Variants in HIKESHI observed in about 807,000 individuals in gnomAD.
The protein encoded by HIKESHI is protein Hikeshi.
Under a neutral mutation model 25.7 loss-of-function variants are expected in HIKESHI, and 13 were observed. The ratio of observed to expected loss-of-function variants is 0.51; its 90% CI spans 0.33 to 0.80. HIKESHI has a LOEUF of 0.80. HIKESHI is among the 30% of genes least tolerant of loss of function. The pLI is 0.02. For synonymous variants in HIKESHI, 76 were observed against 78.7 expected (o/e 0.97, Z 0.18); for missense variants, 174 against 229.5 (o/e 0.76, Z 1.56).
At chr11:86,308,866 A>G (rs1252095431) in intron 2 of HIKESHI, among the ~76,000 whole-genome samples, 2 of 152,022 alleles carry the variant, frequency 1.3e-5, no homozygotes, top group African/African-American at 4.8e-5. Flanking sequence ...GATGGTTTCC[A>G]GCTTCATCCA....
At chr11:86,331,858 A>G (rs1269558963) in intron 2 of HIKESHI, among the ~76,000 whole-genome samples, 3 of 152,194 alleles carry the variant, frequency 2.0e-5, no homozygotes, top group East Asian at 1.9e-4. Flanking sequence ...TTGTATATTC[A>G]ATACTAGGAA....
intron 2 of HIKESHI, among the ~76,000 whole-genome samples, chr11:86,335,222 A>T (rs925547796): frequency 1.3e-5 from 2 of 152,206 alleles, no homozygotes; most frequent in Non-Finnish European, 2.9e-5. Context: ...TTAAAAAAAA[A>T]GAGGTCTGCC....
Position 86,328,570 on chromosome 11 carries a change from AG to A in HIKESHI, c.269-8808del, listed in dbSNP as rs1215106163. Among the ~76,000 whole-genome samples the A allele has an allele frequency of 2.0e-5, 3 of 151,700 alleles. No individual in the cohort carries two copies. In the East Asian group the frequency reaches 5.8e-4, roughly 29 times the overall value. ...AGCAATTCTCTGCCTCAGCCTCCTGAGTAGCTGGGATTACAGGTAACTGCCA... is the reference window on the plus strand; with the variant it reads ...AGCAATTCTCTGCCTCAGCCTCCTGATAGCTGGGATTACAGGTAACTGCCA... On this transcript the variant is annotated intron_variant, in intron 2 of 4. Transcript: ENST00000278483.
Position 86,345,618 on chromosome 11 carries a change from C to G in HIKESHI, c.574C>G (p.Pro192Ala). Reference protein sequence around the residue: ...ENFQRRLAQNPLFWKT With the variant: ...ENFQRRLAQNALFWKT ...CTTTCAAAGACGACTAGCACAGAAC[C>G]CTCTCTTTTGGAAAACATAATTTGA... Residue 192 changes from proline to alanine, a missense_variant, in exon 5 of 5, where the codon CCT becomes GCT. Transcript: ENST00000278483. The G allele has an allele frequency of 6.4e-7, 1 of 1,553,196 alleles. No homozygotes were observed. The highest frequency in any genetic ancestry group is 1.2e-5 in the South Asian group (1 of 84,520).
chr11:86,336,016 T>G (rs1947548741), intron 2 of HIKESHI, among the ~76,000 whole-genome samples: 1 of 152,094 alleles, frequency 6.6e-6, no homozygotes, highest in Non-Finnish European at 1.5e-5. Context: ...ACCAGAAGAA[T>G]GATACATCAT....
intron 2 of HIKESHI, among the ~76,000 whole-genome samples, chr11:86,318,158 G>T (rs1947038632): frequency 6.6e-6 from 1 of 151,208 alleles, no homozygotes; most frequent in Non-Finnish European, 1.5e-5. Flanking sequence ...CAAAAAAATA[G>T]CCGGGCGTGG....
chr11:86,316,548 G>C (rs1047836394), intron 2 of HIKESHI, among the ~76,000 whole-genome samples: 7 of 151,694 alleles, frequency 4.6e-5, no homozygotes, highest in Non-Finnish European at 8.8e-5. Flanking sequence ...TTTTAAAAAG[G>C]GGGAAAGCAA....
chr11:86,319,022 T>C (rs1229576538), intron 2 of HIKESHI, among the ~76,000 whole-genome samples: 3 of 151,980 alleles, frequency 2.0e-5, no homozygotes, highest in African/African-American at 7.2e-5. Flanking sequence ...GCTCAAGCCA[T>C]CCTCCTGCCT....
intron 2 of HIKESHI, among the ~76,000 whole-genome samples, chr11:86,319,117 G>T (rs1204454654): frequency 6.6e-6 from 1 of 151,338 alleles, no homozygotes; most frequent in Non-Finnish European, 1.5e-5. Flanking sequence ...TTGCCATGTT[G>T]CCCAGGCTGG....
chr11:86,324,447 A>G (rs1426842139), intron 2 of HIKESHI: 1 of 152,262 alleles, frequency 6.6e-6, no homozygotes, highest in Non-Finnish European at 1.5e-5. Context: ...AGAAAAATAA[A>G]GCAACTTAAT....
chr11:86,326,317 TA>T (rs1162170928), intron 2 of HIKESHI, among the ~76,000 whole-genome samples: 5 of 151,862 alleles, frequency 3.3e-5, no homozygotes, highest in Non-Finnish European at 2.9e-5. Context: ...AATAAATAAA[TA>T]AAAAATAAAA....
At chr11:86,331,085 GATA>G (rs1005122992) in intron 2 of HIKESHI, among the ~76,000 whole-genome samples, 47 of 152,028 alleles carry the variant, frequency 3.1e-4, no homozygotes, top group African/African-American at 1.1e-3. Context: ...TCTTTTTAGG[GATA>G]ATGTACACAA....
chr11:86,342,294 T>C (rs1046503138), intron 3 of HIKESHI, among the ~76,000 whole-genome samples: 5 of 152,224 alleles, frequency 3.3e-5, no homozygotes, highest in Admixed American at 6.5e-5. Context: ...GTAAATACAT[T>C]GCATTTTTCT....
chr11:86,308,265 ATGTGTATTATATATAAAAT>A (rs1946727777), intron 2 of HIKESHI, among the ~76,000 whole-genome samples: 1 of 84,114 alleles, frequency 1.2e-5, no homozygotes, highest in African/African-American at 5.5e-5. Context: ...TACATATAAA[ATGTGTATTATATATAAAAT>A]ATATATTACA....
At chr11:86,305,109 C>T (rs1199470826) in intron 1 of HIKESHI, among the ~76,000 whole-genome samples, 1 of 152,220 alleles carries the variant, frequency 6.6e-6, no homozygotes, top group Non-Finnish European at 1.5e-5. Context: ...AAGTGATTAT[C>T]TGGTCTTAGC....
chr11:86,328,791 G>T (rs1210644543), intron 2 of HIKESHI, among the ~76,000 whole-genome samples: 1 of 151,868 alleles, frequency 6.6e-6, no homozygotes, highest in East Asian at 1.9e-4. Flanking sequence ...TGGCTAGGCT[G>T]GTCTTGAACT....
chr11:86,329,097 T>C (rs1441255578), intron 2 of HIKESHI, among the ~76,000 whole-genome samples: 1 of 151,830 alleles, frequency 6.6e-6, no homozygotes, highest in Admixed American at 6.6e-5. Context: ...CCAAGTAAAG[T>C]GATAAACAGA....
At chr11:86,334,213 C>G (rs1304332095) in intron 2 of HIKESHI, among the ~76,000 whole-genome samples, 1 of 150,480 alleles carries the variant, frequency 6.6e-6, no homozygotes, top group East Asian at 2.0e-4. Context: ...TTTCCTGATT[C>G]TTCTCAACAT....
At chr11:86,317,676 C>A (rs1344534013) in intron 2 of HIKESHI, among the ~76,000 whole-genome samples, 2 of 151,610 alleles carry the variant, frequency 1.3e-5, no homozygotes, top group Admixed American at 1.3e-4. Context: ...TGTGGTGGTG[C>A]GCGCCTGTTG....
Sources: allele counts gnomAD v4.1 joint callset (sites outside exome capture counted in the v4.1 genomes callset), GRCh38; gene constraint gnomAD v4.1.1; transcripts MANE v1.5; gene names NCBI Gene and HGNC (gene_info 2026-07-23, HGNC 2026-07-21).